Variants in RMI1 observed in about 807,000 individuals in gnomAD.
RMI1 encodes recQ-mediated genome instability protein 1.
RMI1 carries 36 observed loss-of-function variants against 46.7 expected under a neutral mutation model. The observed-to-expected ratio is 0.77, with a 90% CI of 0.59 to 1.02. The LOEUF (loss-of-function observed/expected upper bound fraction) is 1.02, where lower values mean the gene tolerates loss of function less well. RMI1 is among the 50% of genes least tolerant of loss of function. RMI1 has a pLI of 0.00. For synonymous variants in RMI1, 250 were observed against 252.9 expected (o/e 0.99, Z 0.11); for missense variants, 676 against 713.7 (o/e 0.95, Z 0.60).
chr9:84,001,775 T>C lies in RMI1; in HGVS notation c.789T>C (p.Thr263=), dbSNP rs765389851. 5.6e-6 allele frequency: 9 copies of C among 1,613,990 alleles called. No homozygotes were observed. The highest frequency in any genetic ancestry group is 7.6e-6 in the Non-Finnish European group (9 of 1,179,914). ...ATGAGCTTACAGCAAATAATGACAC[T>C]TCCTCAGAACGATGTTTCACCACAG... ...ENDELTANND[T]SSERCFTTGS... is the part of the protein sequence containing the mutation. Residue 263 remains threonine (T), a synonymous_variant, in exon 3 of 3, where the codon ACT becomes ACC. Coordinates refer to ENST00000445877, the MANE Select transcript of RMI1 (RefSeq NM_001358291.2).
intron 1 of RMI1, among the ~76,000 whole-genome samples, chr9:83,994,535 A>G (rs989621387): frequency 6.6e-6 from 1 of 152,170 alleles, no homozygotes; most frequent in Non-Finnish European, 1.5e-5. Flanking sequence ...TTTTCTCAAC[A>G]CCATTTGCTG....
chr9:83,994,771 G>A lies in RMI1; in HGVS notation c.-125-4938G>A, dbSNP rs147498873. 3.9e-3 allele frequency among the ~76,000 whole-genome samples: 598 copies of A among 151,978 alleles called. 5 individuals carry two copies. Among genetic ancestry groups the A allele is most frequent in the African/African-American group, 0.014 (573 of 41,454 alleles). On this transcript the variant is annotated intron_variant, in intron 1 of 2. Transcript: ENST00000445877. ...TGAGCTCAAGCGTTCTGCCCATCTC[G>A]GCCTCCCAAGTGTTGTGATTACAGA...
intron 1 of RMI1, among the ~76,000 whole-genome samples, chr9:83,987,167 G>A (rs1300717016): frequency 6.6e-6 from 1 of 151,898 alleles, no homozygotes; most frequent in Non-Finnish European, 1.5e-5. Flanking sequence ...GGATTCAAGC[G>A]ATTTTCTGCC....
intron 1 of RMI1, among the ~76,000 whole-genome samples, chr9:83,999,199 A>T (rs114787713): frequency 0.026 from 3,899 of 151,128 alleles, 186 homozygotes; most frequent in African/African-American, 0.091. Flanking sequence ...AAAAAAAAAT[A>T]AAATAACAAT....
intron 1 of RMI1, among the ~76,000 whole-genome samples, chr9:83,998,552 G>A (rs1033714353): frequency 2.3e-4 from 35 of 152,160 alleles, no homozygotes; most frequent in African/African-American, 8.2e-4. Flanking sequence ...CCATGTCACT[G>A]AGAAATATGA....
At chr9:83,989,467 A>T (rs1241264317) in intron 1 of RMI1, among the ~76,000 whole-genome samples, 2 of 152,208 alleles carry the variant, frequency 1.3e-5, no homozygotes, top group Non-Finnish European at 2.9e-5. Flanking sequence ...AGAATATATA[A>T]GGAGCTGAAA....
chr9:83,999,479 A>G lies in RMI1; in HGVS notation c.-125-230A>G, dbSNP rs111407263. Among the ~76,000 whole-genome samples, 10 of 152,240 alleles carry G rather than the reference A, an allele frequency of 6.6e-5. 1 individual carries two copies. The highest frequency in any genetic ancestry group is 2.4e-4 in the African/African-American group (10 of 41,538). On this transcript the variant is annotated intron_variant, in intron 1 of 2. Coordinates refer to ENST00000445877, the MANE Select transcript of RMI1 (RefSeq NM_001358291.2). ...TGATATAGTCTAGCACCAGAGATGT[A>G]CTCTTAACATCAAATACTATACCTC... is the stretch of plus-strand genomic sequence containing the variant.
At position 83,986,491 on chromosome 9, in the gene RMI1, G is replaced by A. The variant is rs953155335; in HGVS notation, c.-126+5600G>A. Among the ~76,000 whole-genome samples, 11 of 152,252 alleles carry A rather than the reference G, an allele frequency of 7.2e-5. No homozygotes were observed. The East Asian group carries it at 2.1e-3, about 29-fold the overall frequency. ...AAGAATGGAGATTAGCAGAATTTAT[G>A]TTCTAGTTCTGGGTCTGCTGTTGGG... On this transcript the variant is annotated intron_variant, in intron 1 of 2. Transcript: ENST00000445877.
rs575616928 is a variant in RMI1 at position 84,001,573 on chromosome 9, C to T, written c.587C>T (p.Ala196Val). ...NVKVLGGEVD[A>V]LLEEYAQEKV... ...AAAGTGTTAGGAGGTGAAGTAGATG[C>T]TCTTTTAGAAGAATATGCCCAAGAA... The change falls in exon 3 of 3, where the codon GCT (alanine) becomes GTT (valine). Residue 196 changes from alanine to valine, a missense_variant. By Grantham distance (64) the Ala-to-Val change is moderately conservative. Transcript: ENST00000445877. 1.2e-6 allele frequency: 2 copies of T among 1,613,918 alleles called. No homozygotes were observed. Among genetic ancestry groups the T allele is most frequent in the Non-Finnish European group, 1.7e-6 (2 of 1,179,954 alleles).
At chr9:83,997,038 T>TC (rs1317873829) in intron 1 of RMI1, among the ~76,000 whole-genome samples, 79 of 140,430 alleles carry the variant, frequency 5.6e-4, no homozygotes, top group South Asian at 2.8e-3. Context: ...AGAGGTGGAT[T>TC]CCCCCCCCCT....
chr9:83,990,535 T>G (rs1210471945), intron 1 of RMI1, among the ~76,000 whole-genome samples: 1 of 149,288 alleles, frequency 6.7e-6, no homozygotes, highest in East Asian at 2.0e-4. Flanking sequence ...ACAATTGGAA[T>G]AAGTTCTAGT....
intron 1 of RMI1, among the ~76,000 whole-genome samples, chr9:83,987,916 C>T (rs1286983486): frequency 3.3e-5 from 5 of 151,918 alleles, no homozygotes; most frequent in South Asian, 2.1e-4. Context: ...GACAGAGTCT[C>T]AGTCTGTCAC....
rs1957754931 is a variant in RMI1 at position 84,002,562 on chromosome 9, G to A, written c.1576G>A (p.Gly526Ser). Reference protein sequence around the residue: ...TLTGNLSSSGGIWSITAKVSD... With the variant: ...TLTGNLSSSGSIWSITAKVSD... The stretch of plus-strand genomic sequence containing the variant: ...AACTGGAAATCTCTCAAGTTCTGGT[G>A]GTATTTGGAGTATAACTGCAAAGGT... The change falls in exon 3 of 3, where the codon GGT (glycine) becomes AGT (serine). Residue 526 changes from glycine (G) to serine (S), a missense_variant. By Grantham distance (56) the Gly-to-Ser change is moderately conservative (BLOSUM62 0). Transcript: ENST00000445877. The A allele has an allele frequency of 6.2e-7, 1 of 1,613,894 alleles. No individual in the cohort carries two copies.
chr9:84,002,659 T>C lies in RMI1; in HGVS notation c.1673T>C (p.Val558Ala). Residue 558 changes from valine (V) to alanine (A), a missense_variant, in exon 3 of 3, where the codon GTA becomes GCA. Val to Ala is a moderately conservative substitution (Grantham distance 64). Transcript: ENST00000445877. ...CTTACTAGCTTGATAGGGTTCTCAG[T>C]ACCAGAAATGAAACAGTCAAAAAAG... Reference protein sequence around the residue: ...EILTSLIGFSVPEMKQSKKDP... With the variant: ...EILTSLIGFSAPEMKQSKKDP... The C allele has an allele frequency of 1.2e-6, 2 of 1,613,926 alleles. No homozygotes were observed. The highest frequency in any genetic ancestry group is 1.7e-6 in the Non-Finnish European group (2 of 1,179,906).
chr9:83,982,180 A>G (rs1459875599), intron 1 of RMI1, among the ~76,000 whole-genome samples: 1 of 152,238 alleles, frequency 6.6e-6, no homozygotes. Flanking sequence ...TTAATCCGCC[A>G]GTTAGTATTT....
chr9:83,982,138 G>A (rs1275198189), intron 1 of RMI1, among the ~76,000 whole-genome samples: 1 of 152,214 alleles, frequency 6.6e-6, no homozygotes, highest in Non-Finnish European at 1.5e-5. Context: ...ATGAGTTTAT[G>A]TAGGGGCTTA....
At position 84,002,411 on chromosome 9, in the gene RMI1, G is replaced by A. The variant is rs765844076; in HGVS notation, c.1425G>A (p.Glu475=). The part of the protein sequence containing the change: ...NLQSCSLRSS[E]NSINLSIAMD... ...AGAGTTGTTCTTTAAGATCATCAGA[G>A]AATAGCATTAATCTTTCTATTGCCA... Residue 475 remains glutamate, a synonymous_variant, in exon 3 of 3, where the codon GAG becomes GAA. Transcript: ENST00000445877. The A allele has an allele frequency of 1.2e-6, 2 of 1,613,390 alleles. No individual in the cohort carries two copies. Among genetic ancestry groups the A allele is most frequent in the Non-Finnish European group, 8.5e-7 (1 of 1,179,614 alleles).
rs1460513473 is a variant in RMI1, at chr9:84,002,495, G to A, written c.1509G>A (p.Lys503=). Residue 503 remains lysine (K), a synonymous_variant, in exon 3 of 3, where the codon AAG becomes AAA. Coordinates refer to ENST00000445877, the MANE Select transcript of RMI1 (RefSeq NM_001358291.2). ...CTGTTCTAATGGCCAGCAAACCAAA[G>A]GAAGTTACAACAGTGAAAGTGAAAG... ...YLSVLMASKP[K]EVTTVKVKAF... 1.2e-6 allele frequency: 2 copies of A among 1,613,824 alleles called. No individual in the cohort carries two copies. Among genetic ancestry groups the A allele is most frequent in the East Asian group, 4.5e-5 (2 of 44,842 alleles).
chr9:84,001,786 G>A lies in RMI1; in HGVS notation c.800G>A (p.Arg267Gln), dbSNP rs752515491. The stretch of plus-strand genomic sequence containing the variant: ...GCAAATAATGACACTTCCTCAGAAC[G>A]ATGTTTCACCACAGGTAGTTCCTCA... ...LTANNDTSSE[R>Q]CFTTGSSSNT... The change falls in exon 3 of 3, where the codon CGA (arginine) becomes CAA (glutamine). Residue 267 changes from arginine to glutamine, a missense_variant. Physicochemically the swap from Arg to Gln is conservative, Grantham distance 43. Transcript: ENST00000445877. 3.1e-6 allele frequency: 5 copies of A among 1,613,880 alleles called. No homozygotes were observed. Among genetic ancestry groups the A allele is most frequent in the East Asian group, 2.2e-5 (1 of 44,878 alleles).
Sources: gnomAD v4.1 joint callset for allele counts (sites outside exome capture counted in the v4.1 genomes callset) on GRCh38, gnomAD v4.1.1 for gene constraint, MANE v1.5 for transcripts, NCBI Gene and HGNC (gene_info 2026-07-23, HGNC 2026-07-21) for gene names.